SGCZ: variants seen among roughly 807,000 people sequenced by gnomAD.
SGCZ encodes the protein sarcoglycan zeta, also known as zeta-sarcoglycan.
In SGCZ, 40 loss-of-function variants were observed where a neutral mutation model predicts 41.3. The ratio of observed to expected loss-of-function variants is 0.97; its 90% CI spans 0.75 to 1.26. The LOEUF (loss-of-function observed/expected upper bound fraction) is 1.26. Among genes scored for constraint, SGCZ ranks in the 50% most tolerant of loss-of-function variants. The pLI is 0.00. For synonymous variants in SGCZ, 206 were observed against 137.5 expected, an observed-to-expected ratio of 1.50 and a Z score of -3.49; for missense variants, 552 against 369.8, an observed-to-expected ratio of 1.49 and a Z score of -4.04.
At chr8:15,044,945 T>G (rs1054390563) in intron 1 of SGCZ, among the ~76,000 whole-genome samples, 1 of 152,080 alleles carries the variant, frequency 6.6e-6, no homozygotes, top group Admixed American at 6.6e-5. Context: ...TTTGGTTGCA[T>G]GAATTTGTAC....
intron 1 of SGCZ, among the ~76,000 whole-genome samples, chr8:14,665,853 A>G (rs1050787698): frequency 1.3e-5 from 2 of 152,228 alleles, no homozygotes; most frequent in East Asian, 1.9e-4. Context: ...GAGAAATTCA[A>G]AAATGACTAT....
chr8:14,451,203 T>C (rs930987403), intron 2 of SGCZ, among the ~76,000 whole-genome samples: 2 of 152,082 alleles, frequency 1.3e-5, no homozygotes, highest in East Asian at 1.9e-4. Context: ...ATTTGAAGAG[T>C]GATGAAAACA....
intron 3 of SGCZ, among the ~76,000 whole-genome samples, chr8:14,304,920 C>T (rs1013382745): frequency 2.6e-5 from 4 of 152,060 alleles, no homozygotes; most frequent in African/African-American, 4.8e-5. Context: ...CAGAATCAAG[C>T]TTCAGAGGTG....
chr8:14,488,852 A>T (rs1293608962), intron 2 of SGCZ, among the ~76,000 whole-genome samples: 1 of 152,104 alleles, frequency 6.6e-6, no homozygotes, highest in East Asian at 1.9e-4. Flanking sequence ...CCTCTTTAAC[A>T]CCATCTCTTG....
At chr8:14,946,993 G>A (rs1007998610) in intron 1 of SGCZ, among the ~76,000 whole-genome samples, 1 of 151,774 alleles carries the variant, frequency 6.6e-6, no homozygotes. Flanking sequence ...CTATAGTTAG[G>A]GTTTGAAACA....
intron 1 of SGCZ, among the ~76,000 whole-genome samples, chr8:14,604,675 C>T (rs1410884077): frequency 2.6e-5 from 4 of 152,050 alleles, no homozygotes; most frequent in African/African-American, 7.2e-5. Context: ...CCAGTATTAA[C>T]CCATTATAAA....
chr8:14,683,498 G>C (rs1262953995), intron 1 of SGCZ, among the ~76,000 whole-genome samples: 1 of 152,034 alleles, frequency 6.6e-6, no homozygotes, highest in South Asian at 2.1e-4. Flanking sequence ...TCTTTGTCAT[G>C]ATTAACTTGA....
At chr8:14,585,382 T>C (rs191744489) in intron 1 of SGCZ, among the ~76,000 whole-genome samples, 7 of 152,300 alleles carry the variant, frequency 4.6e-5, no homozygotes, top group Admixed American at 3.9e-4. Context: ...TTTACCTTTG[T>C]AGTTCTGAAA....
chr8:15,068,916 T>C (rs1327073095), intron 1 of SGCZ, among the ~76,000 whole-genome samples: 1 of 152,224 alleles, frequency 6.6e-6, no homozygotes, highest in Non-Finnish European at 1.5e-5. Flanking sequence ...TCTGTGCTTC[T>C]ACTACTAATG....
rs1461569872 is a variant in SGCZ, at chr8:14,604,515, G to A, written c.40-49589C>T. Among the ~76,000 whole-genome samples, 3 of 151,948 alleles carry A rather than the reference G, an allele frequency of 2.0e-5. No individual in the cohort carries two copies. In the East Asian group the frequency reaches 5.8e-4, roughly 29 times the overall value. ...TCTTGGTAGATGAGTGTCATATCAG[G>A]TACAATAAACTCTAACAATGTACAC... On this transcript the variant is annotated intron_variant, in intron 1 of 7. Coordinates refer to ENST00000382080, the MANE Select transcript of SGCZ (RefSeq NM_139167.4).
At chr8:15,155,219 C>T (rs529326162) in intron 1 of SGCZ, among the ~76,000 whole-genome samples, 4 of 152,164 alleles carry the variant, frequency 2.6e-5, no homozygotes, top group South Asian at 2.1e-4. Context: ...GGCTTGAGCC[C>T]GGGAGGCAGA....
chr8:14,300,348 C>T (rs770962324), intron 3 of SGCZ, among the ~76,000 whole-genome samples: 8 of 149,192 alleles, frequency 5.4e-5, no homozygotes, highest in East Asian at 2.0e-4. Context: ...AGGAAGAAAG[C>T]GGGGAGAAAG....
intron 2 of SGCZ, among the ~76,000 whole-genome samples, chr8:14,520,561 T>C (rs543044048): frequency 2.2e-4 from 34 of 152,230 alleles, no homozygotes; most frequent in African/African-American, 7.5e-4. Flanking sequence ...ATTTCCTCCC[T>C]AGATTTAATT....
chr8:14,318,733 C>T (rs1465916688), intron 3 of SGCZ, among the ~76,000 whole-genome samples: 1 of 151,986 alleles, frequency 6.6e-6, no homozygotes, highest in African/African-American at 2.4e-5. Context: ...GTCTGCCTTT[C>T]CCTTTCCAAC....
intron 3 of SGCZ, among the ~76,000 whole-genome samples, chr8:14,260,207 G>A (rs978240442): frequency 6.6e-6 from 1 of 151,838 alleles, no homozygotes; most frequent in Non-Finnish European, 1.5e-5. Context: ...TCTGACAAAG[G>A]GCTAATATCC....
At chr8:14,428,785 T>C (rs1799862689) in intron 2 of SGCZ, among the ~76,000 whole-genome samples, 1 of 152,202 alleles carries the variant, frequency 6.6e-6, no homozygotes. Flanking sequence ...AAGCCACACT[T>C]TCACTTATTG....
At chr8:14,130,233 C>T (rs925372274) in intron 5 of SGCZ, among the ~76,000 whole-genome samples, 2 of 151,690 alleles carry the variant, frequency 1.3e-5, no homozygotes, top group African/African-American at 4.8e-5. Context: ...TAAACACACA[C>T]ACGCAATTTA....
chr8:14,955,669 G>C (rs1323766016), intron 1 of SGCZ, among the ~76,000 whole-genome samples: 4 of 152,102 alleles, frequency 2.6e-5, no homozygotes, highest in Non-Finnish European at 5.9e-5. Context: ...ATATTTAATT[G>C]ACATGTAGAT....
chr8:14,143,561 T>C (rs1279945830), intron 5 of SGCZ, among the ~76,000 whole-genome samples: 1 of 152,096 alleles, frequency 6.6e-6, no homozygotes, highest in Non-Finnish European at 1.5e-5. Context: ...TGAAACACCA[T>C]ATTGGAGGTA....
Sources: allele counts gnomAD v4.1 joint callset (sites outside exome capture counted in the v4.1 genomes callset), GRCh38; gene constraint gnomAD v4.1.1; transcripts MANE v1.5; gene names NCBI Gene and HGNC (gene_info 2026-07-23, HGNC 2026-07-21).